Variants in PRSS54 observed in about 807,000 individuals in gnomAD.
PRSS54 encodes the protein serine protease 54, also known as inactive serine protease 54.
A neutral mutation model predicts 19.9 loss-of-function variants in PRSS54; 16 were observed. The observed-to-expected ratio is 0.80, with a 90% confidence interval of 0.54 to 1.22. The LOEUF is 1.22. PRSS54 is among the 50% of genes most tolerant of loss of function. The pLI is 0.00. For missense variants in PRSS54, 444 were observed against 494.8 expected (o/e 0.90, Z 0.97); for synonymous variants, 177 against 195.8 (o/e 0.90, Z 0.80).
intron 4 of PRSS54, among the ~76,000 whole-genome samples, chr16:58,287,198 C>T (rs889076505): frequency 8.5e-5 from 13 of 152,132 alleles, no homozygotes; most frequent in African/African-American, 3.1e-4. Context: ...TAACCTATCT[C>T]CAGTAGTGTT....
chr16:58,280,409 C>CA lies in PRSS54; in HGVS notation c.1002dup (p.Val335CysfsTer2). The CA allele has an allele frequency of 6.2e-7, 1 of 1,614,204 alleles. No homozygotes were observed. Among genetic ancestry groups the CA allele is most frequent in the Admixed American group, 1.7e-5 (1 of 60,026 alleles). ...GATTCCTTTACATCCTTCTCCCTAA[C>CA]ATCTAGACTATCTCTAGAGCTGTTT... On this transcript the variant is annotated frameshift_variant, in exon 7 of 7. Transcript: ENST00000567164. LOFTEE classifies it low-confidence loss of function (END_TRUNC).
At chr16:58,281,025 C>T (rs1964718269) in intron 6 of PRSS54, 1 of 436,800 alleles carries the variant, frequency 2.3e-6, no homozygotes, top group Non-Finnish European at 4.1e-6. Flanking sequence ...TTGCCCCTTT[C>T]CAGTCCTTTG....
intron 4 of PRSS54, among the ~76,000 whole-genome samples, chr16:58,288,972 T>C (rs1964978960): frequency 6.6e-6 from 1 of 152,216 alleles, no homozygotes; most frequent in African/African-American, 2.4e-5. Context: ...CTTGAAAATT[T>C]GTAGGTTGAA....
intron 4 of PRSS54, among the ~76,000 whole-genome samples, chr16:58,287,051 G>A (rs1253302737): frequency 3.6e-4 from 55 of 152,146 alleles, no homozygotes; most frequent in Admixed American, 3.6e-3. Flanking sequence ...AGAGGAAAAT[G>A]AAAGATAAGG....
chr16:58,289,253 A>G (rs1177388314), intron 4 of PRSS54, among the ~76,000 whole-genome samples: 1 of 152,188 alleles, frequency 6.6e-6, no homozygotes, highest in African/African-American at 2.4e-5. Context: ...TGACACCTGG[A>G]TCTTAGACTT....
In PRSS54 at chr16:58,292,042, C is replaced by A. The variant is rs574715939; in HGVS notation, c.86-906G>T. 5.9e-5 allele frequency among the ~76,000 whole-genome samples: 9 copies of A among 152,314 alleles called. No homozygotes were observed. In the East Asian group the frequency reaches 1.5e-3, roughly 26 times the overall value. ...CTCCTGGGTTCAAGCGACTCCCCTG[C>A]CTCAGCCTCCTGAGTAGCTGGGATT... On this transcript the variant is annotated intron_variant, in intron 3 of 6. Transcript: ENST00000567164.
intron 6 of PRSS54, chr16:58,281,773 G>C (rs1383159591): frequency 1.3e-5 from 2 of 152,576 alleles, no homozygotes; most frequent in Admixed American, 1.3e-4. Flanking sequence ...ACCACGAGCA[G>C]CAGAAAGGCA....
At chr16:58,285,523 G>A (rs1964894715) in intron 5 of PRSS54, among the ~76,000 whole-genome samples, 1 of 152,226 alleles carries the variant, frequency 6.6e-6, no homozygotes, top group East Asian at 1.9e-4. Flanking sequence ...GCTTGCTTGA[G>A]CCCAGGAGTT....
At chr16:58,293,058 TGTGA>T (rs563974328) in intron 3 of PRSS54, among the ~76,000 whole-genome samples, 85 of 152,020 alleles carry the variant, frequency 5.6e-4, no homozygotes, top group African/African-American at 1.9e-3. Flanking sequence ...TGTGCAAGTG[TGTGA>T]GTGTGTGTGC....
chr16:58,283,662 C>T (rs1470279333), intron 6 of PRSS54: 2 of 152,096 alleles, frequency 1.3e-5, no homozygotes, highest in Non-Finnish European at 2.9e-5. Flanking sequence ...GCTATATCTT[C>T]ACTGTATTTT....
chr16:58,292,033 A>G (rs1201748126), intron 3 of PRSS54, among the ~76,000 whole-genome samples: 2 of 151,162 alleles, frequency 1.3e-5, no homozygotes, highest in Non-Finnish European at 2.9e-5. Context: ...GGTTCAAGCG[A>G]CTCCCCTGCC....
intron 3 of PRSS54, 158 bp downstream of exon 3, chr16:58,293,574 G>T: frequency 4.1e-6 from 4 of 985,414 alleles, no homozygotes; most frequent in Non-Finnish European, 4.8e-6. Flanking sequence ...TTCTTTGCCT[G>T]GTTCCTGCCA....
At chr16:58,285,565 C>T (rs1964897195) in intron 5 of PRSS54, among the ~76,000 whole-genome samples, 1 of 151,912 alleles carries the variant, frequency 6.6e-6, no homozygotes, top group Admixed American at 6.6e-5. Context: ...AGCAAGACCC[C>T]ATTTCCACAA....
In PRSS54 at chr16:58,286,176, C is replaced by T. The variant is rs764900024; in HGVS notation, c.283G>A (p.Val95Met). The T allele has an allele frequency of 3.7e-6, 6 of 1,614,164 alleles. No individual in the cohort carries two copies. Among genetic ancestry groups the T allele is most frequent in the Non-Finnish European group, 5.1e-6 (6 of 1,180,000 alleles). ...CTAGGATCCATGTTACTTATACCCA[C>T]TATAACGACAATGTCCTTCCTGGAG... ...IQNRKDIVVI[V>M]GISNMDPSKI... is the part of the protein sequence containing the mutation. Residue 95 changes from valine (V) to methionine (M), a missense_variant, in exon 5 of 7, where the codon GTG becomes ATG. Transcript: ENST00000567164.
At chr16:58,284,257 T>C in intron 6 of PRSS54, 1 of 211,136 alleles carries the variant, frequency 4.7e-6, no homozygotes. Context: ...CCCTAGAAGC[T>C]GAATACAGCA....
chr16:58,286,148 T>C lies in PRSS54; in HGVS notation c.311A>G (p.Lys104Arg). The change falls in exon 5 of 7, where the codon AAG becomes AGG. Residue 104 changes from lysine (K) to arginine (R), a missense_variant. Transcript: ENST00000567164. ...IVGISNMDPS[K>R]IAHTEYPVNT... ...GACTGGATACTCTGTGTGAGCAATC[T>C]TGCTAGGATCCATGTTACTTATACC... 6.2e-7 allele frequency: 1 copy of C among 1,614,168 alleles called. No individual in the cohort carries two copies. The highest frequency in any genetic ancestry group is 8.5e-7 in the Non-Finnish European group (1 of 1,179,988).
At position 58,280,159 on chromosome 16, in the gene PRSS54, C is replaced by T. The variant is rs557333599; in HGVS notation, c.*65G>A. The T allele has an allele frequency of 9.6e-5, 143 of 1,487,988 alleles. No individual in the cohort carries two copies. In the Admixed American group the frequency reaches 1.3e-3, roughly 14 times the overall value. 92.2% of individuals were successfully genotyped at this position (1,487,988 alleles called of 1,614,324 possible). On this transcript the variant is annotated 3_prime_UTR_variant, in exon 7 of 7. Transcript: ENST00000567164. ...CTATCAAAAACAGACATCAAAACAG[C>T]ATGGTGAATGCCTGGCACTCAGCAT...
intron 4 of PRSS54, among the ~76,000 whole-genome samples, chr16:58,289,170 C>T (rs1964983825): frequency 6.6e-6 from 1 of 152,086 alleles, no homozygotes; most frequent in Non-Finnish European, 1.5e-5. Flanking sequence ...GAGGGAAGGG[C>T]CATGTGAGGA....
chr16:58,280,598 C>G lies in PRSS54; in HGVS notation c.814G>C (p.Gly272Arg). 2 of 1,614,106 alleles carry G rather than the reference C, an allele frequency of 1.2e-6. No homozygotes were observed. The highest frequency in any genetic ancestry group is 1.7e-6 in the Non-Finnish European group (2 of 1,180,020). ...KWITSKAERA[G>R]PPLSSLHHWE... ...TGGTGGAGTGAGGACAGGGGAGGGC[C>G]GGCCCTCTCAGCCTTGGATGTGATC... The change falls in exon 7 of 7, where the codon GGC becomes CGC. Residue 272 changes from glycine (G) to arginine (R), a missense_variant. Transcript: ENST00000567164.
Sources: gnomAD v4.1 joint callset for allele counts (sites outside exome capture counted in the v4.1 genomes callset) on GRCh38, gnomAD v4.1.1 for gene constraint, MANE v1.5 for transcripts, NCBI Gene and HGNC (gene_info 2026-07-23, HGNC 2026-07-21) for gene names.